The following EXOC5 variants were observed in gnomAD, a reference collection of about 807,000 sequenced individuals.
The protein encoded by EXOC5 is exocyst complex component 5, also known as SEC10-like 1.
Under a neutral mutation model 90.8 loss-of-function variants are expected in EXOC5, and 17 were observed. The ratio of observed to expected loss-of-function variants is 0.19; its 90% CI spans 0.13 to 0.28. The LOEUF (loss-of-function observed/expected upper bound fraction) is 0.28, where lower values mean the gene tolerates loss of function less well. EXOC5 is among the 10% of genes least tolerant of loss of function. The pLI is 1.00. For synonymous variants in EXOC5, 260 were observed against 270.0 expected, an observed-to-expected ratio of 0.96 and a Z score of 0.36; for missense variants, 569 against 830.6, an observed-to-expected ratio of 0.69 and a Z score of 3.87.
intron 7 of EXOC5, among the ~76,000 whole-genome samples, chr14:57,234,477 A>C (rs1594664717): frequency 6.7e-6 from 1 of 148,468 alleles, no homozygotes; most frequent in Non-Finnish European, 1.5e-5. Flanking sequence ...ATACATATAA[A>C]TATATTTATA....
intron 1 of EXOC5, among the ~76,000 whole-genome samples, chr14:57,263,193 G>T (rs1311646531): frequency 1.3e-5 from 2 of 152,186 alleles, no homozygotes; most frequent in Admixed American, 6.5e-5. Context: ...CCCCAGGCTG[G>T]ACCCAGTGGC....
chr14:57,263,873 C>T (rs1884592171), intron 1 of EXOC5, among the ~76,000 whole-genome samples: 1 of 152,018 alleles, frequency 6.6e-6, no homozygotes, highest in South Asian at 2.1e-4. Context: ...AACTGCCTCA[C>T]CTTACAACAA....
At chr14:57,251,964 T>C (rs930026397) in intron 1 of EXOC5, among the ~76,000 whole-genome samples, 7 of 151,886 alleles carry the variant, frequency 4.6e-5, no homozygotes, top group East Asian at 1.9e-4. Context: ...CTAGATGAAA[T>C]AGAAAAACTC....
In EXOC5 at chr14:57,206,161, A is replaced by G. The variant is rs1023416652; in HGVS notation, c.*2448T>C. 2.6e-5 allele frequency: 9 copies of G among 347,652 alleles called. No individual in the cohort carries two copies. In the Admixed American group the frequency reaches 2.7e-4, roughly 10 times the overall value. 21.5% of individuals were successfully genotyped at this position (347,652 alleles called of 1,614,324 possible). A position where few individuals can be genotyped will look rare whatever the true frequency, so the allele number is the denominator to read the frequency against. Reference sequence around the variant, plus strand: ...ATATTAGCTCATGCGGTATTGTGTAATACTGCAAAGACCGTACTTACGTAA... The same window carrying G: ...ATATTAGCTCATGCGGTATTGTGTAGTACTGCAAAGACCGTACTTACGTAA... On this transcript the variant is annotated 3_prime_UTR_variant, in exon 18 of 18. Transcript: ENST00000621441.
rs533373123 is a variant in EXOC5 at position 57,231,304 on chromosome 14, C to T, written c.1148+202G>A. On this transcript the variant is annotated intron_variant, in intron 11 of 17. Coordinates refer to ENST00000621441, the MANE Select transcript of EXOC5 (RefSeq NM_006544.4). Reference sequence around the variant, plus strand: ...GATTACAGGAGTGAGTTACCACGCCCGGCTTACATTTCAATCATGTTATGT... The same window carrying T: ...GATTACAGGAGTGAGTTACCACGCCTGGCTTACATTTCAATCATGTTATGT... Among the ~76,000 whole-genome samples the T allele has an allele frequency of 5.9e-5, 9 of 152,156 alleles. No individual in the cohort carries two copies. The East Asian group carries it at 1.5e-3, about 26-fold the overall frequency.
At chr14:57,234,243 C>T (rs1175496521) in intron 7 of EXOC5, among the ~76,000 whole-genome samples, 5 of 151,860 alleles carry the variant, frequency 3.3e-5, no homozygotes, top group African/African-American at 1.2e-4. Context: ...TAAAATTTAT[C>T]AGTTGGTACA....
intron 2 of EXOC5, among the ~76,000 whole-genome samples, chr14:57,247,247 A>G (rs1025163913): frequency 2.0e-5 from 3 of 152,198 alleles, no homozygotes; most frequent in Non-Finnish European, 4.4e-5. Flanking sequence ...AATGTACTAT[A>G]TAAAAATAAT....
chr14:57,250,742 T>C (rs1156310837), intron 1 of EXOC5, among the ~76,000 whole-genome samples: 1 of 152,148 alleles, frequency 6.6e-6, no homozygotes, highest in East Asian at 1.9e-4. Context: ...ATAAGAACTA[T>C]TATAATGAGG....
In EXOC5 at chr14:57,200,549, T is replaced by TA. The variant is rs1402327661; in HGVS notation, c.*8059dup. On this transcript the variant is annotated 3_prime_UTR_variant, in exon 18 of 18. Coordinates refer to ENST00000621441, the MANE Select transcript of EXOC5 (RefSeq NM_006544.4). The stretch of plus-strand genomic sequence containing the variant: ...TTTATTAGTAAAAATATCCTATTGG[T>TA]ATTCAGTGCTTAATGGTCAGGTTTC... The TA allele has an allele frequency of 6.6e-6, 1 of 152,170 alleles. No individual in the cohort carries two copies. Among genetic ancestry groups the TA allele is most frequent in the African/African-American group, 2.4e-5 (1 of 41,454 alleles). 9.4% of individuals were successfully genotyped at this position (152,170 alleles called of 1,614,324 possible).
At chr14:57,222,235 A>G (rs1363162533) in intron 13 of EXOC5, 73 bp downstream of exon 13, 1 of 703,688 alleles carries the variant, frequency 1.4e-6, no homozygotes, top group East Asian at 2.7e-5. Flanking sequence ...TATAAGCAAA[A>G]CAACATTATG....
intron 13 of EXOC5, among the ~76,000 whole-genome samples, chr14:57,220,783 G>C (rs1414465889): frequency 1.3e-5 from 2 of 152,204 alleles, no homozygotes; most frequent in African/African-American, 2.4e-5. Flanking sequence ...CTGGGTGACA[G>C]AGCGAGATTC....
intron 15 of EXOC5, among the ~76,000 whole-genome samples, chr14:57,214,867 C>G (rs1242927897): frequency 6.6e-6 from 1 of 152,138 alleles, no homozygotes; most frequent in Non-Finnish European, 1.5e-5. Flanking sequence ...GATTAAGAGA[C>G]AGAGGTCCTG....
intron 7 of EXOC5, among the ~76,000 whole-genome samples, chr14:57,235,154 A>G (rs969172063): frequency 2.0e-5 from 3 of 152,214 alleles, no homozygotes; most frequent in Non-Finnish European, 4.4e-5. Flanking sequence ...CTAATCTGAT[A>G]CAAATCAAAG....
Position 57,268,737 on chromosome 14 carries a change from C to T in EXOC5, c.-89G>A, listed in dbSNP as rs1253362778. The T allele has an allele frequency of 2.7e-6, 4 of 1,499,462 alleles. No individual in the cohort carries two copies. The highest frequency in any genetic ancestry group is 3.5e-6 in the Non-Finnish European group (4 of 1,128,814). The allele number at this position is 1,499,462 out of a possible 1,614,324, so 92.9% of individuals were successfully genotyped here. ...GAGGCGCGGCGCACAGGTCTCCGCT[C>T]GGCTCGCCAGCTCCGGCTCCGGGCC... On this transcript the variant is annotated 5_prime_UTR_variant, in exon 1 of 18. Transcript: ENST00000621441.
At chr14:57,240,562 G>C (rs1179754945) in intron 4 of EXOC5, among the ~76,000 whole-genome samples, 1 of 151,466 alleles carries the variant, frequency 6.6e-6, no homozygotes, top group East Asian at 2.0e-4. Context: ...GATTACAGGC[G>C]TGAGCCACCG....
chr14:57,218,862 T>C (rs1017379720), intron 14 of EXOC5, among the ~76,000 whole-genome samples: 3 of 152,092 alleles, frequency 2.0e-5, no homozygotes, highest in African/African-American at 7.2e-5. Context: ...TAAGTTCACA[T>C]AAATTGATAT....
rs1239270503 is a variant in EXOC5, at chr14:57,239,663, T to C, written c.466-4A>G. 2.7e-6 allele frequency: 4 copies of C among 1,504,730 alleles called. No individual in the cohort carries two copies. The Admixed American group carries it at 9.2e-5, about 35-fold the overall frequency. The allele number at this position is 1,504,730 out of a possible 1,614,324, so 93.2% of individuals were successfully genotyped here. ...TGATGTCTGCTGCTTCCTTTATCTA[T>C]GAAAAAATAAATAAAAGCAATAATT... On this transcript the variant is annotated splice_polypyrimidine_tract_variant and splice_region_variant and intron_variant, in intron 4 of 17. Coordinates refer to ENST00000621441, the MANE Select transcript of EXOC5 (RefSeq NM_006544.4).
At position 57,219,341 on chromosome 14, in the gene EXOC5, G is replaced by T; in HGVS notation, c.1507C>A (p.His503Asn). 6.6e-7 allele frequency: 1 copy of T among 1,525,750 alleles called. No individual in the cohort carries two copies. Among genetic ancestry groups the T allele is most frequent in the Non-Finnish European group, 8.9e-7 (1 of 1,129,636 alleles). The allele number at this position is 1,525,750 out of a possible 1,614,324, so 94.5% of individuals were successfully genotyped here. ...ACTAACCTTATTAGTGGCATAAGGT[G>T]ATCATTAAACTGTTTGTCAAAAAGA... is the stretch of plus-strand genomic sequence containing the variant. Reference protein sequence around the residue: ...FHLFDKQFNDHLMPLISSSPK... With the variant: ...FHLFDKQFNDNLMPLISSSPK... Residue 503 changes from histidine (H) to asparagine (N), a missense_variant, in exon 14 of 18, where the codon CAC becomes AAC. Transcript: ENST00000621441.
At chr14:57,240,811 T>C (rs2139647765) in intron 4 of EXOC5, among the ~76,000 whole-genome samples, 1 of 152,310 alleles carries the variant, frequency 6.6e-6, no homozygotes, top group African/African-American at 2.4e-5. Flanking sequence ...GTGAGACTCA[T>C]AAATACGAAG....
Sources: allele counts gnomAD v4.1 joint callset (sites outside exome capture counted in the v4.1 genomes callset), GRCh38; gene constraint gnomAD v4.1.1; transcripts MANE v1.5; gene names NCBI Gene and HGNC (gene_info 2026-07-23, HGNC 2026-07-21).